The following RAP1GAP2 variants were observed in gnomAD, a reference collection of about 807,000 sequenced individuals.
The protein encoded by RAP1GAP2 is rap1 GTPase-activating protein 2.
A neutral mutation model predicts 95.0 loss-of-function variants in RAP1GAP2; 27 were observed. The ratio of observed to expected loss-of-function variants is 0.28; its 90% CI spans 0.21 to 0.39. The LOEUF (loss-of-function observed/expected upper bound fraction) is 0.39, where lower values mean the gene tolerates loss of function less well. Ranked by LOEUF, RAP1GAP2 falls within the 10% of genes least tolerant of loss-of-function variation. The pLI, the probability that RAP1GAP2 is intolerant of heterozygous loss-of-function variation, is 1.00. For missense variants in RAP1GAP2, 771 were observed against 970.0 expected (o/e 0.79, Z 2.72); for synonymous variants, 373 against 380.9 (o/e 0.98, Z 0.24).
chr17:2,952,257 A>G (rs1367981128), intron 3 of RAP1GAP2, among the ~76,000 whole-genome samples: 1 of 152,178 alleles, frequency 6.6e-6, no homozygotes, highest in African/African-American at 2.4e-5. Flanking sequence ...TCACTTAGCA[A>G]TGCACTGTGA....
intron 3 of RAP1GAP2, among the ~76,000 whole-genome samples, chr17:2,954,669 C>T (rs1288047394): frequency 6.6e-6 from 1 of 152,136 alleles, no homozygotes; most frequent in African/African-American, 2.4e-5. Context: ...TCTCTGCTCA[C>T]TGCAACCTCT....
intron 1 of RAP1GAP2, among the ~76,000 whole-genome samples, chr17:2,786,801 A>G (rs1229792830): frequency 6.6e-6 from 1 of 151,692 alleles, no homozygotes; most frequent in African/African-American, 2.4e-5. Flanking sequence ...AGGTGCCACC[A>G]TGCCCGGCTA....
intron 2 of RAP1GAP2, among the ~76,000 whole-genome samples, chr17:2,829,319 G>A (rs113329164): frequency 0.029 from 4,416 of 152,154 alleles, 209 homozygotes; most frequent in African/African-American, 0.1. Flanking sequence ...CAGATGGAGC[G>A]GGTGGTGACT....
chr17:2,929,722 C>T (rs921709192), intron 3 of RAP1GAP2, among the ~76,000 whole-genome samples: 4 of 152,186 alleles, frequency 2.6e-5, no homozygotes, highest in Admixed American at 1.3e-4. Context: ...CTGCCCTGCC[C>T]GCTCCACGAA....
In RAP1GAP2 at chr17:3,010,000, C is replaced by T. The variant is rs577650702; in HGVS notation, c.1494+1855C>T. On this transcript the variant is annotated intron_variant, in intron 17 of 24. Coordinates refer to ENST00000254695, the MANE Select transcript of RAP1GAP2 (RefSeq NM_015085.5). The stretch of plus-strand genomic sequence containing the variant: ...AGGCTCCACCACACTCCATAGCCCA[C>T]GTATCAAAACATTCTGCATCCCTCA... 3.9e-5 allele frequency among the ~76,000 whole-genome samples: 6 copies of T among 152,184 alleles called. No individual in the cohort carries two copies. The South Asian group carries it at 8.3e-4, about 21-fold the overall frequency.
rs12936442 is a variant in RAP1GAP2, at chr17:3,029,815, C to T, written c.2108-1107C>T. Among the ~76,000 whole-genome samples, 23,031 of 151,894 alleles carry T rather than the reference C, an allele frequency of 0.15. 1,834 individuals carry two copies. The highest frequency in any genetic ancestry group is 0.22 in the Middle Eastern group (63 of 292). ...TCTGCCACCACTCACACACACTTAA[C>T]GGAATTTTATTATACGATGGATGTC... is the stretch of plus-strand genomic sequence containing the variant. On this transcript the variant is annotated intron_variant, in intron 22 of 24. Coordinates refer to ENST00000254695, the MANE Select transcript of RAP1GAP2 (RefSeq NM_015085.5). The surrounding 1 kb of genome is among the most constrained non-coding windows in gnomAD (Gnocchi z 4.4).
chr17:2,927,281 G>A (rs1420380079), intron 3 of RAP1GAP2, among the ~76,000 whole-genome samples: 1 of 151,870 alleles, frequency 6.6e-6, no homozygotes, highest in Non-Finnish European at 1.5e-5. Flanking sequence ...AGCCTCCCGA[G>A]TAGCTGGGAC....
rs943814399 is a variant in RAP1GAP2 at position 2,902,533 on chromosome 17, T to C, written c.81-2751T>C. Among the ~76,000 whole-genome samples the C allele has an allele frequency of 5.9e-5, 9 of 152,168 alleles. No homozygotes were observed. The highest frequency in any genetic ancestry group is 2.2e-4 in the African/African-American group (9 of 41,442). On this transcript the variant is annotated intron_variant, in intron 2 of 24. Coordinates refer to ENST00000254695, the MANE Select transcript of RAP1GAP2 (RefSeq NM_015085.5). This position sits in a 1 kb window ranked among gnomAD's most constrained non-coding sequence, Gnocchi z 4.1. Reference sequence around the variant, plus strand: ...CGCTCTGGGCCCAGTTCAGATGTTTTTGAGGGTGGCAGTCATGCCTTCTGC... The same window carrying C: ...CGCTCTGGGCCCAGTTCAGATGTTTCTGAGGGTGGCAGTCATGCCTTCTGC...
rs567132393 is a variant in RAP1GAP2, at chr17:2,871,858, A to G, written c.81-33426A>G. ...TTGAAATAGCAAAACACTGGAAACA[A>G]CCAAATCCCTATTCATAGTGAACTG... On this transcript the variant is annotated intron_variant, in intron 2 of 24. Coordinates refer to ENST00000254695, the MANE Select transcript of RAP1GAP2 (RefSeq NM_015085.5). This position sits in a 1 kb window ranked among gnomAD's most constrained non-coding sequence, Gnocchi z 5.0. Among the ~76,000 whole-genome samples the G allele has an allele frequency of 6.6e-6, 1 of 152,306 alleles. No individual in the cohort carries two copies. Among genetic ancestry groups the G allele is most frequent in the African/African-American group, 2.4e-5 (1 of 41,566 alleles).
intron 3 of RAP1GAP2, among the ~76,000 whole-genome samples, chr17:2,914,277 T>A (rs2042493401): frequency 6.6e-6 from 1 of 152,212 alleles, no homozygotes; most frequent in Non-Finnish European, 1.5e-5. Context: ...TGCATCCTCA[T>A]CAACATTTGC....
chr17:2,795,830 C>T (rs114504816), upstream of RAP1GAP2, among the ~76,000 whole-genome samples: 1,495 of 152,124 alleles, frequency 9.8e-3, 31 homozygotes, highest in African/African-American at 0.034. Flanking sequence ...GTGTGTGCCG[C>T]GCTGTGCTCA....
At chr17:2,952,129 A>G (rs923497369) in intron 3 of RAP1GAP2, among the ~76,000 whole-genome samples, 2 of 152,144 alleles carry the variant, frequency 1.3e-5, no homozygotes, top group African/African-American at 4.8e-5. Context: ...CCTTTGGGAT[A>G]TTTTTCTCCG....
chr17:2,811,220 T>C (rs1475786580), intron 2 of RAP1GAP2, among the ~76,000 whole-genome samples: 1 of 152,116 alleles, frequency 6.6e-6, no homozygotes, highest in African/African-American at 2.4e-5. Flanking sequence ...TCGGAAGGGT[T>C]CAGGTTTTGC....
chr17:2,999,098 A>T (rs890722278), intron 14 of RAP1GAP2, among the ~76,000 whole-genome samples: 1 of 152,174 alleles, frequency 6.6e-6, no homozygotes, highest in Non-Finnish European at 1.5e-5. Flanking sequence ...CCTCCCAAGC[A>T]GTCACGGGTC....
chr17:2,950,559 CA>C, intron 3 of RAP1GAP2, among the ~76,000 whole-genome samples: 1 of 151,930 alleles, frequency 6.6e-6, no homozygotes, highest in South Asian at 2.1e-4. Flanking sequence ...CGCCTGTTCT[CA>C]CCTCATCTGC....
chr17:2,873,017 C>T (rs539862403), intron 2 of RAP1GAP2, among the ~76,000 whole-genome samples: 31 of 150,942 alleles, frequency 2.1e-4, no homozygotes, highest in South Asian at 4.2e-4. Context: ...GCATGAGAAT[C>T]GCTTGAACCC....
At position 2,857,355 on chromosome 17, in the gene RAP1GAP2, A is replaced by G. The variant is rs1427467915; in HGVS notation, c.81-47929A>G. Reference sequence around the variant, plus strand: ...GTATTAGGGGACAGGGAGGTGTGCCAGCCAGGGTAGTCATGAGACAGATGT... The same window carrying G: ...GTATTAGGGGACAGGGAGGTGTGCCGGCCAGGGTAGTCATGAGACAGATGT... On this transcript the variant is annotated intron_variant, in intron 2 of 24. Coordinates refer to ENST00000254695, the MANE Select transcript of RAP1GAP2 (RefSeq NM_015085.5). This position sits in a 1 kb window ranked among gnomAD's most constrained non-coding sequence, Gnocchi z 4.0. 6.6e-6 allele frequency among the ~76,000 whole-genome samples: 1 copy of G among 152,218 alleles called. No individual in the cohort carries two copies. Among genetic ancestry groups the G allele is most frequent in the African/African-American group, 2.4e-5 (1 of 41,460 alleles).
intron 1 of RAP1GAP2, among the ~76,000 whole-genome samples, chr17:2,762,401 T>C (rs190948100): frequency 0.011 from 1,598 of 147,008 alleles, 30 homozygotes; most frequent in African/African-American, 0.036. Flanking sequence ...TTCTTTCTTT[T>C]TTTTTTTTTT....
intron 2 of RAP1GAP2, among the ~76,000 whole-genome samples, chr17:2,771,939 C>T (rs1201962848): frequency 6.6e-6 from 1 of 152,112 alleles, no homozygotes; most frequent in Non-Finnish European, 1.5e-5. Flanking sequence ...CTGTGTTGCC[C>T]ATGCTGGCCT....
Sources: gnomAD v4.1 joint callset for allele counts (sites outside exome capture counted in the v4.1 genomes callset) on GRCh38, gnomAD v4.1.1 for gene constraint, Gnocchi (gnomAD v3.1) non-coding constraint, MANE v1.5 for transcripts, NCBI Gene and HGNC (gene_info 2026-07-23, HGNC 2026-07-21) for gene names.